The following SLC25A34 variants were observed in gnomAD, a reference collection of about 807,000 sequenced individuals.
The protein encoded by SLC25A34 is solute carrier family 25, member 34.
A neutral mutation model predicts 28.1 loss-of-function variants in SLC25A34; 26 were observed. The observed-to-expected ratio is 0.93, with a 90% CI of 0.68 to 1.28. SLC25A34 has a LOEUF of 1.28. Among genes scored for constraint, SLC25A34 ranks in the 50% most tolerant of loss-of-function variants. The probability of loss-of-function intolerance (pLI) is 0.00; values close to 1 mark genes in which losing one functional copy is unlikely to be tolerated. For synonymous variants in SLC25A34, 182 were observed against 182.2 expected, an observed-to-expected ratio of 1.00 and a Z score of 0.01; for missense variants, 384 against 409.8, an observed-to-expected ratio of 0.94 and a Z score of 0.54.
chr1:15,736,862 T>G lies in SLC25A34; in HGVS notation c.377T>G (p.Leu126Arg). Residue 126 changes from leucine to arginine, a missense_variant and splice_region_variant, in exon 1 of 5, where the codon CTG becomes CGG. Leu to Arg is a moderately radical substitution (Grantham distance 102, BLOSUM62 -2). Transcript: ENST00000294454. ...LGAFVGSPAY[L>R]IKTQLQAQTV... ...GCCTTCGTGGGGAGCCCTGCTTACC[T>G]GGTGAGTGGCTTGTCTCCATCGTCC... is the stretch of plus-strand genomic sequence containing the variant. 2 of 1,547,966 alleles carry G rather than the reference T, an allele frequency of 1.3e-6. No homozygotes were observed. The highest frequency in any genetic ancestry group is 2.4e-5 in the South Asian group (2 of 82,164).
chr1:15,738,502 C>A, intron 3 of SLC25A34, 92 bp from the exon 4 acceptor site: 1 of 1,519,100 alleles, frequency 6.6e-7, no homozygotes, highest in Non-Finnish European at 8.8e-7. Flanking sequence ...TTCTGTAGCC[C>A]TTTTAGCCCC....
Position 15,737,970 on chromosome 1 carries a change from C to A in SLC25A34, c.420C>A (p.Ala140=). The A allele has an allele frequency of 6.2e-7, 1 of 1,613,842 alleles. No homozygotes were observed. Among genetic ancestry groups the A allele is most frequent in the East Asian group, 2.2e-5 (1 of 44,886 alleles). ...QLQAQTVAAV[A]VGHQHNHQTV... is the part of the protein sequence containing the mutation. ...AAGCTCAGACAGTGGCCGCAGTGGC[C>A]GTGGGACACCAGCACAATCACCAGG... is the stretch of plus-strand genomic sequence containing the variant. Residue 140 remains alanine, a synonymous_variant, in exon 2 of 5, where the codon GCC becomes GCA. Transcript: ENST00000294454.
chr1:15,738,288 C>T (rs369099175), intron 3 of SLC25A34, 43 bp downstream of exon 3: 37 of 1,540,022 alleles, frequency 2.4e-5, no homozygotes, highest in Admixed American at 1.0e-4. Flanking sequence ...AGAGACACAC[C>T]GGACTGAGGG....
intron 1 of SLC25A34, among the ~76,000 whole-genome samples, chr1:15,737,227 G>T (rs1416819571): frequency 6.6e-6 from 1 of 152,220 alleles, no homozygotes; most frequent in African/African-American, 2.4e-5. Context: ...CTGCAGGGGG[G>T]CCTCAGGGCC....
intron 4 of SLC25A34, 34 bp from the exon 5 acceptor site, chr1:15,739,190 C>T (rs763922087): frequency 1.3e-6 from 2 of 1,599,602 alleles, no homozygotes; most frequent in Admixed American, 1.7e-5. Context: ...CCTCAAGGCC[C>T]CTGTAGTAAC....
rs375675845 is a variant in SLC25A34, at chr1:15,736,780, C to T, written c.295C>T (p.Leu99Phe). 1 of 1,606,164 alleles carries T rather than the reference C, an allele frequency of 6.2e-7. No individual in the cohort carries two copies. The highest frequency in any genetic ancestry group is 1.1e-5 in the South Asian group (1 of 90,774). ...CTACAGCCTGGCGTGCCAGGCTGGC[C>T]TCACGCAGCAACCAGGTGGCACCGT... is the stretch of plus-strand genomic sequence containing the variant. Reference protein sequence around the residue: ...YCYSLACQAGLTQQPGGTVVA... With the variant: ...YCYSLACQAGFTQQPGGTVVA... The change falls in exon 1 of 5, where the codon CTC (leucine) becomes TTC (phenylalanine). Residue 99 changes from leucine to phenylalanine, a missense_variant. Transcript: ENST00000294454.
At chr1:15,737,081 G>T (rs2068232434) in intron 1 of SLC25A34, among the ~76,000 whole-genome samples, 1 of 152,218 alleles carries the variant, frequency 6.6e-6, no homozygotes, top group Non-Finnish European at 1.5e-5. Context: ...TGCCCCACTG[G>T]TCCTGAGCCA....
chr1:15,736,454 C>A lies in SLC25A34; in HGVS notation c.-32C>A. On this transcript the variant is annotated 5_prime_UTR_variant, in exon 1 of 5. Coordinates refer to ENST00000294454, the MANE Select transcript of SLC25A34 (RefSeq NM_207348.3). The stretch of plus-strand genomic sequence containing the variant: ...CACAGGGCCTGTGCCGTGCCCCTGA[C>A]CCGGGCACAGAAGGCCACTGGCCCG... 6 of 1,423,538 alleles carry A rather than the reference C, an allele frequency of 4.2e-6. No homozygotes were observed. The highest frequency in any genetic ancestry group is 5.5e-6 in the Non-Finnish European group (6 of 1,091,330). 88.2% of individuals were successfully genotyped at this position (1,423,538 alleles called of 1,614,324 possible). A position where few individuals can be genotyped will look rare whatever the true frequency, so the allele number is the denominator to read the frequency against.
In SLC25A34 at chr1:15,737,962, G is replaced by C. The variant is rs146057979; in HGVS notation, c.412G>C (p.Ala138Pro). ...GCAGCTGCAAGCTCAGACAGTGGCCGCAGTGGCCGTGGGACACCAGCACAA... is the reference window on the plus strand; with the variant it reads ...GCAGCTGCAAGCTCAGACAGTGGCCCCAGTGGCCGTGGGACACCAGCACAA... ...KTQLQAQTVA[A>P]VAVGHQHNHQ... is the part of the protein sequence containing the mutation. The change falls in exon 2 of 5, where the codon GCA becomes CCA. Residue 138 changes from alanine (A) to proline (P), a missense_variant. Ala to Pro is a conservative substitution (Grantham distance 27). Coordinates refer to ENST00000294454, the MANE Select transcript of SLC25A34 (RefSeq NM_207348.3). 1.9e-6 allele frequency: 3 copies of C among 1,613,864 alleles called. No individual in the cohort carries two copies. The African/African-American group carries it at 4.0e-5, about 22-fold the overall frequency.
rs548833858 is a variant in SLC25A34 at position 15,736,572 on chromosome 1, G to A, written c.87G>A (p.Val29=). 4.8e-5 allele frequency: 72 copies of A among 1,507,910 alleles called. No individual in the cohort carries two copies. In the East Asian group the frequency reaches 1.6e-3, roughly 34 times the overall value. 93.4% of individuals were successfully genotyped at this position (1,507,910 alleles called of 1,614,324 possible). ...GTGTCTTCACCAACCCCCTGGAGGT[G>A]GTGAAGACGCGGCTGCAGCTGCAGG... ...LACVFTNPLE[V]VKTRLQLQGE... Residue 29 remains valine (V), a synonymous_variant, in exon 1 of 5, where the codon GTG becomes GTA. Transcript: ENST00000294454.
chr1:15,736,979 G>T, intron 1 of SLC25A34, 116 bp downstream of exon 1: 1 of 1,330,394 alleles, frequency 7.5e-7, no homozygotes, highest in Non-Finnish European at 9.9e-7. Context: ...GGGCAGCCGG[G>T]GTGGGGCTGC....
At chr1:15,738,450 G>A in intron 3 of SLC25A34, 144 bp from the exon 4 acceptor site, 1 of 1,320,330 alleles carries the variant, frequency 7.6e-7, no homozygotes, top group Non-Finnish European at 1.0e-6. Context: ...GCTCAGGGTG[G>A]CAGGGCTGGG....
chr1:15,737,032 C>G, intron 1 of SLC25A34, 169 bp downstream of exon 1: 1 of 969,620 alleles, frequency 1.0e-6, no homozygotes, highest in Non-Finnish European at 1.4e-6. Context: ...TGCCCCTTGG[C>G]CCAGGGCCTT....
rs978553528 is a variant in SLC25A34 at position 15,739,214 on chromosome 1, C to T, written c.733-10C>T. On this transcript the variant is annotated splice_polypyrimidine_tract_variant and intron_variant, in intron 4 of 4. Coordinates refer to ENST00000294454, the MANE Select transcript of SLC25A34 (RefSeq NM_207348.3). ...CCCTGTAGTAACACTCACCCCATGT[C>T]TTTCCCCAGGGCCAGCTCTATGGGG... The T allele has an allele frequency of 1.2e-6, 2 of 1,611,342 alleles. No individual in the cohort carries two copies. The highest frequency in any genetic ancestry group is 2.7e-5 in the African/African-American group (2 of 74,890).
At chr1:15,738,285 C>A in intron 3 of SLC25A34, 40 bp downstream of exon 3, 1 of 1,547,142 alleles carries the variant, frequency 6.5e-7, no homozygotes, top group South Asian at 1.3e-5. Flanking sequence ...CACAGAGACA[C>A]ACCGGACTGA....
rs2068259023 is a variant in SLC25A34, at chr1:15,739,375, T to C, written c.884T>C (p.Leu295Pro). 5 of 1,565,318 alleles carry C rather than the reference T, an allele frequency of 3.2e-6. No homozygotes were observed. The highest frequency in any genetic ancestry group is 1.9e-5 in the Admixed American group (1 of 52,806). Residue 295 changes from leucine (L) to proline (P), a missense_variant, in exon 5 of 5, where the codon CTG becomes CCG. Physicochemically the swap from Leu to Pro is moderately conservative, Grantham distance 98. Transcript: ENST00000294454. ...CTCTTCTGGGACGAGCTTCGGAAACTGGCTGGGCGGGCCCAGCACAAGGGC... is the reference window on the plus strand; with the variant it reads ...CTCTTCTGGGACGAGCTTCGGAAACCGGCTGGGCGGGCCCAGCACAAGGGC... ...SMLFWDELRK[L>P]AGRAQHKGT is the part of the protein sequence containing the mutation.
intron 4 of SLC25A34, chr1:15,738,962 C>T (rs902911162): frequency 6.6e-6 from 4 of 602,860 alleles, no homozygotes; most frequent in Middle Eastern, 4.5e-4. Context: ...TAATCACATT[C>T]ATCTTCCTGA....
rs759313441 is a variant in SLC25A34 at position 15,737,931 on chromosome 1, C to T, written c.381C>T (p.Ile127=). 4.3e-6 allele frequency: 7 copies of T among 1,614,062 alleles called. No homozygotes were observed. In the South Asian group the frequency reaches 7.7e-5, roughly 18 times the overall value. Residue 127 remains isoleucine, a splice_region_variant and synonymous_variant, in exon 2 of 5, where the codon ATC becomes ATT. Transcript: ENST00000294454. The part of the protein sequence containing the change: ...GAFVGSPAYL[I]KTQLQAQTVA... ...CCGTGTCCTCTCTGCTCCCATAGAT[C>T]AAAACGCAGCTGCAAGCTCAGACAG...
rs754772726 is a variant in SLC25A34, at chr1:15,738,581, G to A, written c.598-13G>A. ...AGCTGTTGCAGGGATCAGCACCTGT[G>A]CCATCCCCACAGTGGCTCCCTGAGG... On this transcript the variant is annotated splice_polypyrimidine_tract_variant and intron_variant, in intron 3 of 4. Transcript: ENST00000294454. The A allele has an allele frequency of 4.6e-5, 74 of 1,604,548 alleles. No homozygotes were observed. The Admixed American group carries it at 1.3e-3, about 27-fold the overall frequency.
Sources: allele counts gnomAD v4.1 joint callset (sites outside exome capture counted in the v4.1 genomes callset), GRCh38; gene constraint gnomAD v4.1.1; transcripts MANE v1.5; gene names NCBI Gene and HGNC (gene_info 2026-07-23, HGNC 2026-07-21).